TUBA8: variants seen among roughly 807,000 people sequenced by gnomAD.
TUBA8 encodes tubulin alpha 8, also known as tubulin alpha-8 chain.
In TUBA8, 29 loss-of-function variants were observed where a neutral mutation model predicts 34.7. The ratio of observed to expected loss-of-function variants is 0.84; its 90% CI spans 0.62 to 1.14. The LOEUF (loss-of-function observed/expected upper bound fraction) is 1.14. Ranked by LOEUF, TUBA8 falls within the 50% of genes most tolerant of loss-of-function variation. The pLI is 0.00. For missense variants in TUBA8, 541 were observed against 599.2 expected (o/e 0.90, Z 1.01); for synonymous variants, 226 against 231.2 (o/e 0.98, Z 0.21).
rs561770316 is a variant in TUBA8 at position 18,112,582 on chromosome 22, T to C, written c.3+1714T>C. ...ACCCAGCCCTGTGCACAAGCTTGAA[T>C]GTGTGATCCACAGACGTGTTTCTGA... On this transcript the variant is annotated intron_variant, in intron 1 of 4. Transcript: ENST00000330423. 2.0e-5 allele frequency: 3 copies of C among 152,358 alleles called. No homozygotes were observed. In the South Asian group the frequency reaches 6.2e-4, roughly 32 times the overall value. The allele number at this position is 152,358 out of a possible 1,614,324, so 9.4% of individuals were successfully genotyped here. A position where few individuals can be genotyped will look rare whatever the true frequency, so the allele number is the denominator to read the frequency against.
At chr22:18,130,419 T>C (rs775796176) in intron 4 of TUBA8, 1 of 173,424 alleles carries the variant, frequency 5.8e-6, no homozygotes, top group East Asian at 1.5e-4. Context: ...CCCATCTACT[T>C]TTTTTTTTGT....
intron 1 of TUBA8, chr22:18,117,979 A>G (rs1324453177): frequency 1.3e-5 from 2 of 152,098 alleles, no homozygotes; most frequent in African/African-American, 2.4e-5. Context: ...AGTATTTTTG[A>G]GAAGAAGTCC....
chr22:18,120,749 C>T (rs1430270675), intron 1 of TUBA8: 3 of 152,420 alleles, frequency 2.0e-5, no homozygotes, highest in Admixed American at 6.5e-5. Flanking sequence ...GTGCACTCCC[C>T]ATCTTAAGCT....
At chr22:18,120,025 T>C (rs1928100190) in intron 1 of TUBA8, 1 of 152,100 alleles carries the variant, frequency 6.6e-6, no homozygotes, top group Non-Finnish European at 1.5e-5. Flanking sequence ...GGCCACTGCT[T>C]CCCCAGGGCA....
intron 4 of TUBA8, chr22:18,130,162 C>G (rs1219055472): frequency 6.6e-6 from 1 of 152,288 alleles, no homozygotes; most frequent in Non-Finnish European, 1.5e-5. Flanking sequence ...ACAGTTTTCA[C>G]TCTTGGCAGG....
rs1300079871 is a variant in TUBA8, at chr22:18,118,153, G to A, written c.4-3326G>A. On this transcript the variant is annotated intron_variant, in intron 1 of 4. Coordinates refer to ENST00000330423, the MANE Select transcript of TUBA8 (RefSeq NM_018943.3). This position sits in a 1 kb window ranked among gnomAD's most constrained non-coding sequence, Gnocchi z 4.0. Reference sequence around the variant, plus strand: ...CAGTGGTTCTTTGGCTCTCGGCGAAGATCCAGTTCCCCATCAGTCTTTCAC... The same window carrying A: ...CAGTGGTTCTTTGGCTCTCGGCGAAAATCCAGTTCCCCATCAGTCTTTCAC... The A allele has an allele frequency of 6.6e-6, 1 of 152,214 alleles. No homozygotes were observed. Among genetic ancestry groups the A allele is most frequent in the African/African-American group, 2.4e-5 (1 of 41,452 alleles). 9.4% of individuals were successfully genotyped at this position (152,214 alleles called of 1,614,324 possible).
rs1431651052 is a variant in TUBA8, at chr22:18,126,340, C to T, written c.376-14C>T. 3 of 1,613,914 alleles carry T rather than the reference C, an allele frequency of 1.9e-6. No individual in the cohort carries two copies. The Admixed American group carries it at 5.0e-5, about 27-fold the overall frequency. ...TTGTCTTCATGATTTCTTCTCATGTCCTGCTCTCCCTAGACAGATGCTTGC... is the reference window on the plus strand; with the variant it reads ...TTGTCTTCATGATTTCTTCTCATGTTCTGCTCTCCCTAGACAGATGCTTGC... On this transcript the variant is annotated splice_polypyrimidine_tract_variant and intron_variant, in intron 3 of 4. Transcript: ENST00000330423. The surrounding 1 kb of genome is among the most constrained non-coding windows in gnomAD (Gnocchi z 4.0).
chr22:18,126,258 T>TA lies in TUBA8; in HGVS notation c.376-95dup, dbSNP rs1928312261. ...TGTTTTGATTTCATCCACAAAAAAA[T>TA]ATGAGGCAGACAGAGTGGGCGGTCT... On this transcript the variant is annotated intron_variant, in intron 3 of 4. Transcript: ENST00000330423. This position sits in a 1 kb window ranked among gnomAD's most constrained non-coding sequence, Gnocchi z 4.0. The TA allele has an allele frequency of 8.5e-7, 1 of 1,170,790 alleles. No individual in the cohort carries two copies. The highest frequency in any genetic ancestry group is 2.3e-5 in the East Asian group (1 of 42,924). The allele number at this position is 1,170,790 out of a possible 1,614,324, so 72.5% of individuals were successfully genotyped here.
At position 18,126,121 on chromosome 22, in the gene TUBA8, C is replaced by T; in HGVS notation, c.376-233C>T. On this transcript the variant is annotated intron_variant, in intron 3 of 4. Coordinates refer to ENST00000330423, the MANE Select transcript of TUBA8 (RefSeq NM_018943.3). The surrounding 1 kb of genome is among the most constrained non-coding windows in gnomAD (Gnocchi z 4.0). ...CAATGGATCCTCCTGCCTCAGCTTC[C>T]CAAACTGCTGGGATTACAGGCATTG... 1.8e-6 allele frequency: 1 copy of T among 558,676 alleles called. No individual in the cohort carries two copies. The highest frequency in any genetic ancestry group is 3.2e-6 in the Non-Finnish European group (1 of 313,290). The allele number at this position is 558,676 out of a possible 1,614,324, so 34.6% of individuals were successfully genotyped here.
Position 18,111,097 on chromosome 22 carries a change from C to T in TUBA8, c.3+229C>T. 4.7e-6 allele frequency: 3 copies of T among 639,416 alleles called. No individual in the cohort carries two copies. The South Asian group carries it at 6.0e-5, about 13-fold the overall frequency. 39.6% of individuals were successfully genotyped at this position (639,416 alleles called of 1,614,324 possible). ...GGGGCCAGTTGTTCCTTAAAGGGACCTAAGGGAGCTTTGCGTGCAGACGAG... is the reference window on the plus strand; with the variant it reads ...GGGGCCAGTTGTTCCTTAAAGGGACTTAAGGGAGCTTTGCGTGCAGACGAG... On this transcript the variant is annotated intron_variant, in intron 1 of 4. Transcript: ENST00000330423. This position sits in a 1 kb window ranked among gnomAD's most constrained non-coding sequence, Gnocchi z 5.1.
Position 18,126,399 on chromosome 22 carries a change from T to C in TUBA8, c.421T>C (p.Phe141Leu). Reference protein sequence around the residue: ...GLQGFLIFHSFGGGTGSGFTS... With the variant: ...GLQGFLIFHSLGGGTGSGFTS... Reference sequence around the variant, plus strand: ...GCAGGGCTTCCTGATTTTCCACAGTTTTGGTGGGGGCACTGGCTCCGGCTT... The same window carrying C: ...GCAGGGCTTCCTGATTTTCCACAGTCTTGGTGGGGGCACTGGCTCCGGCTT... The change falls in exon 4 of 5, where the codon TTT (phenylalanine) becomes CTT (leucine). Residue 141 changes from phenylalanine to leucine, a missense_variant. Physicochemically the swap from Phe to Leu is conservative, Grantham distance 22. Transcript: ENST00000330423. This position sits in a 1 kb window ranked among gnomAD's most constrained non-coding sequence, Gnocchi z 4.0. 6.2e-7 allele frequency: 1 copy of C among 1,614,038 alleles called. No individual in the cohort carries two copies.
chr22:18,131,349 TAAAG>T lies in TUBA8; in HGVS notation c.*218_*221del, dbSNP rs1338314410. 3 of 580,354 alleles carry T rather than the reference TAAAG, an allele frequency of 5.2e-6. No homozygotes were observed. Among genetic ancestry groups the T allele is most frequent in the Non-Finnish European group, 9.2e-6 (3 of 326,624 alleles). 36.0% of individuals were successfully genotyped at this position (580,354 alleles called of 1,614,324 possible). On this transcript the variant is annotated 3_prime_UTR_variant, in exon 5 of 5. Transcript: ENST00000330423. The surrounding 1 kb of genome is among the most constrained non-coding windows in gnomAD (Gnocchi z 5.3). ...CTGGGTAGGAGCAGCTTTGTGTCACTAAAGAAAGTGAGGGCCACTGTCTCCGGCG... is the reference window on the plus strand; with the variant it reads ...CTGGGTAGGAGCAGCTTTGTGTCACTAAAGTGAGGGCCACTGTCTCCGGCG...
In TUBA8 at chr22:18,110,972, G is replaced by T; in HGVS notation, c.3+104G>T. ...CGGACCCGTCTTCCTGGAGCCGCAG[G>T]GCTCAAGGCCTTCTGGGGGTGGCAG... is the stretch of plus-strand genomic sequence containing the variant. On this transcript the variant is annotated intron_variant, in intron 1 of 4. Transcript: ENST00000330423. This position sits in a 1 kb window ranked among gnomAD's most constrained non-coding sequence, Gnocchi z 6.2. 1 of 1,513,034 alleles carries T rather than the reference G, an allele frequency of 6.6e-7. No individual in the cohort carries two copies. Among genetic ancestry groups the T allele is most frequent in the Non-Finnish European group, 8.9e-7 (1 of 1,128,564 alleles). 93.7% of individuals were successfully genotyped at this position (1,513,034 alleles called of 1,614,324 possible).
intron 1 of TUBA8, chr22:18,112,239 CT>C (rs1201695111): frequency 6.6e-6 from 1 of 152,146 alleles, no homozygotes; most frequent in Non-Finnish European, 1.5e-5. Context: ...TATTTTTAAA[CT>C]TTTTATGGTA....
intron 1 of TUBA8, chr22:18,113,012 A>G (rs1233353372): frequency 6.6e-6 from 1 of 152,206 alleles, no homozygotes; most frequent in Non-Finnish European, 1.5e-5. Flanking sequence ...GGGGGAGGTG[A>G]CCTTGGTGTT....
intron 4 of TUBA8, chr22:18,129,288 G>A (rs1928427200): frequency 6.6e-6 from 1 of 152,200 alleles, no homozygotes; most frequent in Non-Finnish European, 1.5e-5. Context: ...TTAACAAAGC[G>A]GAAATGTCCC....
In TUBA8 at chr22:18,110,820, C is replaced by G; in HGVS notation, c.-46C>G. 6.5e-7 allele frequency: 1 copy of G among 1,537,522 alleles called. No homozygotes were observed. Among genetic ancestry groups the G allele is most frequent in the Non-Finnish European group, 8.7e-7 (1 of 1,147,480 alleles). ...GCGGCTGTATCTGGAGCAGTCGGGG[C>G]GGGCAGGCCCAGCTGAGAGGTGCGC... On this transcript the variant is annotated 5_prime_UTR_variant, in exon 1 of 5. Coordinates refer to ENST00000330423, the MANE Select transcript of TUBA8 (RefSeq NM_018943.3). This position sits in a 1 kb window ranked among gnomAD's most constrained non-coding sequence, Gnocchi z 6.2.
rs362251 is a variant in TUBA8, at chr22:18,130,590, ATT to A, written c.1057-238_1057-237del. Reference sequence around the variant, plus strand: ...TAGGCATAGCCACCGGGCCTGGCTAATTTTTTTTTTTTTTTTGGTAGAGATGG... The same window carrying A: ...TAGGCATAGCCACCGGGCCTGGCTAATTTTTTTTTTTTTTGGTAGAGATGG... On this transcript the variant is annotated intron_variant, in intron 4 of 4. Transcript: ENST00000330423. 0.059 allele frequency: 27,559 copies of A among 469,082 alleles called. 550 individuals carry two copies. The highest frequency in any genetic ancestry group is 0.19 in the African/African-American group (8,985 of 48,064). The allele number at this position is 469,082 out of a possible 1,614,324, so 29.1% of individuals were successfully genotyped here.
At position 18,124,497 on chromosome 22, in the gene TUBA8, CAT is replaced by C; in HGVS notation, c.375+195_375+196del. 4.7e-6 allele frequency: 3 copies of C among 637,770 alleles called. No individual in the cohort carries two copies. The South Asian group carries it at 6.3e-5, about 13-fold the overall frequency. 39.5% of individuals were successfully genotyped at this position (637,770 alleles called of 1,614,324 possible). A position where few individuals can be genotyped will look rare whatever the true frequency, so the allele number is the denominator to read the frequency against. Reference sequence around the variant, plus strand: ...GATGCCCCTTCCTCTGTGTTGGCATCATAGACTGTGTTCCAGGCTGAGGCCCT... The same window carrying C: ...GATGCCCCTTCCTCTGTGTTGGCATCAGACTGTGTTCCAGGCTGAGGCCCT... On this transcript the variant is annotated intron_variant, in intron 3 of 4. Transcript: ENST00000330423. The surrounding 1 kb of genome is among the most constrained non-coding windows in gnomAD (Gnocchi z 4.3).
Sources: allele counts gnomAD v4.1 joint callset, GRCh38; gene constraint gnomAD v4.1.1; non-coding constraint Gnocchi (gnomAD v3.1); transcripts MANE v1.5; gene names NCBI Gene and HGNC (gene_info 2026-07-23, HGNC 2026-07-21).